Variants in EYS observed in about 807,000 individuals in gnomAD.
EYS encodes the protein protein eyes shut homolog.
EYS carries 250 observed loss-of-function variants against 282.1 expected under a neutral mutation model. The observed-to-expected ratio is 0.89, with a 90% CI of 0.80 to 0.98. The LOEUF (loss-of-function observed/expected upper bound fraction) is 0.98, where lower values mean the gene tolerates loss of function less well. EYS is among the 50% of genes least tolerant of loss of function. The probability of loss-of-function intolerance (pLI) is 0.00; values close to 1 mark genes in which losing one functional copy is unlikely to be tolerated. For missense variants in EYS, 4,016 were observed against 3,709.0 expected (o/e 1.08, Z -2.15); for synonymous variants, 1,355 against 1,282.9 (o/e 1.06, Z -1.20).
chr6:64,930,092 A>C lies in EYS; in HGVS notation c.2381+15701T>G, dbSNP rs562322563. Among the ~76,000 whole-genome samples, 80 of 152,286 alleles carry C rather than the reference A, an allele frequency of 5.3e-4. 2 individuals are homozygous for C. In the South Asian group the frequency reaches 0.017, roughly 32 times the overall value. Reference sequence around the variant, plus strand: ...CTGTCCAAAAGATAATTTGATAAAAACTACTCGAATATTTAATGTAGACAC... The same window carrying C: ...CTGTCCAAAAGATAATTTGATAAAACCTACTCGAATATTTAATGTAGACAC... On this transcript the variant is annotated intron_variant, in intron 15 of 42. Transcript: ENST00000503581.
chr6:63,932,306 A>C (rs1764919624), intron 35 of EYS, among the ~76,000 whole-genome samples: 1 of 152,236 alleles, frequency 6.6e-6, no homozygotes, highest in South Asian at 2.1e-4. Flanking sequence ...AGGTGCAGGT[A>C]TCTCTTTAAT....
At position 65,574,292 on chromosome 6, in the gene EYS, C is replaced by T. The variant is rs180818815; in HGVS notation, c.-333+65486G>A. Among the ~76,000 whole-genome samples, 20 of 152,132 alleles carry T rather than the reference C, an allele frequency of 1.3e-4. No homozygotes were observed. The East Asian group carries it at 3.5e-3, about 27-fold the overall frequency. On this transcript the variant is annotated intron_variant, in intron 2 of 42. Transcript: ENST00000503581. ...AAAGTCAAAGGTCTCCAATCAAATT[C>T]GGTCCAAACAAGACTACACAAAGAC...
chr6:63,966,810 T>C (rs1410238286), intron 35 of EYS, among the ~76,000 whole-genome samples: 3 of 152,198 alleles, frequency 2.0e-5, no homozygotes, highest in Non-Finnish European at 4.4e-5. Context: ...CAATCAATGA[T>C]GTTAGCTATT....
chr6:64,722,216 T>A (rs984871946), intron 22 of EYS, among the ~76,000 whole-genome samples: 1 of 152,138 alleles, frequency 6.6e-6, no homozygotes, highest in African/African-American at 2.4e-5. Flanking sequence ...CGGTTGTCAG[T>A]GTGACAGATG....
intron 12 of EYS, among the ~76,000 whole-genome samples, chr6:65,264,533 T>C (rs1168900326): frequency 6.6e-6 from 1 of 152,104 alleles, no homozygotes; most frequent in Non-Finnish European, 1.5e-5. Context: ...AAAATTGTAT[T>C]GCAAATTTGG....
chr6:65,543,812 G>A (rs1768273343), intron 2 of EYS, among the ~76,000 whole-genome samples: 1 of 152,162 alleles, frequency 6.6e-6, no homozygotes, highest in African/African-American at 2.4e-5. Flanking sequence ...ATGACTTTGA[G>A]TGGAACAATC....
At chr6:65,146,152 A>T (rs1392189368) in intron 12 of EYS, among the ~76,000 whole-genome samples, 1 of 149,636 alleles carries the variant, frequency 6.7e-6, no homozygotes, top group Non-Finnish European at 1.5e-5. Flanking sequence ...AGCATATAAC[A>T]TAAAGTAACA....
intron 37 of EYS, among the ~76,000 whole-genome samples, chr6:63,800,633 C>T (rs1770761670): frequency 6.6e-6 from 1 of 152,030 alleles, no homozygotes; most frequent in African/African-American, 2.4e-5. Context: ...GAAACCGCGT[C>T]TCTATTAAAA....
rs991865552 is a variant in EYS, at chr6:65,430,847, A to T, written c.863-25480T>A. On this transcript the variant is annotated intron_variant, in intron 5 of 42. Coordinates refer to ENST00000503581, the MANE Select transcript of EYS (RefSeq NM_001142800.2). ...GGCAGCATTCATTACCTGCTAACTGAAGAGCCCTTGCGTCCTGAAAAACCA... is the reference window on the plus strand; with the variant it reads ...GGCAGCATTCATTACCTGCTAACTGTAGAGCCCTTGCGTCCTGAAAAACCA... Among the ~76,000 whole-genome samples the T allele has an allele frequency of 4.6e-5, 7 of 152,258 alleles. No individual in the cohort carries two copies. In the South Asian group the frequency reaches 1.5e-3, roughly 32 times the overall value.
At chr6:64,158,761 CT>C (rs996222570) in intron 31 of EYS, among the ~76,000 whole-genome samples, 2 of 151,870 alleles carry the variant, frequency 1.3e-5, no homozygotes, top group Non-Finnish European at 2.9e-5. Context: ...AATAATTATA[CT>C]TTTTTTGAGG....
intron 22 of EYS, among the ~76,000 whole-genome samples, chr6:64,696,992 A>G (rs748279795): frequency 1.2e-4 from 19 of 152,198 alleles, no homozygotes; most frequent in Non-Finnish European, 2.5e-4. Flanking sequence ...AACAGAGGAA[A>G]AAGAGAAACA....
At chr6:64,379,396 C>T (rs1772669970) in intron 29 of EYS, among the ~76,000 whole-genome samples, 1 of 152,096 alleles carries the variant, frequency 6.6e-6, no homozygotes, top group African/African-American at 2.4e-5. Flanking sequence ...TCTTGTTTTA[C>T]TTTACCCATT....
intron 12 of EYS, among the ~76,000 whole-genome samples, chr6:65,129,665 G>C (rs1775813459): frequency 6.6e-6 from 1 of 151,830 alleles, no homozygotes; most frequent in Admixed American, 6.6e-5. Context: ...TAAAATAACA[G>C]GTTACCTCTG....
At chr6:64,315,215 A>T (rs1769902279) in intron 29 of EYS, among the ~76,000 whole-genome samples, 1 of 152,204 alleles carries the variant, frequency 6.6e-6, no homozygotes, top group South Asian at 2.1e-4. Context: ...CACTCCTAAG[A>T]ATAAACAAGG....
chr6:64,690,107 C>T (rs1770318419), intron 22 of EYS, among the ~76,000 whole-genome samples: 1 of 151,560 alleles, frequency 6.6e-6, no homozygotes, highest in African/African-American at 2.4e-5. Flanking sequence ...CCAGAATCTA[C>T]AAAGAACTCA....
chr6:64,377,333 A>G (rs1772593634), intron 29 of EYS, among the ~76,000 whole-genome samples: 1 of 152,184 alleles, frequency 6.6e-6, no homozygotes, highest in Admixed American at 6.5e-5. Flanking sequence ...TTTGTTTAAA[A>G]CAGACATTGC....
chr6:64,391,067 T>A (rs1289155908), intron 28 of EYS, among the ~76,000 whole-genome samples: 2 of 151,418 alleles, frequency 1.3e-5, no homozygotes, highest in East Asian at 3.9e-4. Context: ...AGAAGGGAAG[T>A]TTAGAGAAAA....
At position 65,344,071 on chromosome 6, in the gene EYS, A is replaced by G. The variant is rs2150319863; in HGVS notation, c.1566T>C (p.Ser522=). 1.2e-6 allele frequency: 2 copies of G among 1,611,006 alleles called. No individual in the cohort carries two copies. The highest frequency in any genetic ancestry group is 8.5e-7 in the Non-Finnish European group (1 of 1,178,106). ...TYVNDPEDNN[S]SCWFPHEGTK... ...TGCCTTCATGTGGGAACCAACATGAAGAATTATTATCTTCAGGATCGTTCA... is the reference window on the plus strand; with the variant it reads ...TGCCTTCATGTGGGAACCAACATGAGGAATTATTATCTTCAGGATCGTTCA... The change falls in exon 10 of 43, where the codon TCT becomes TCC. Residue 522 remains serine, a synonymous_variant. Coordinates refer to ENST00000503581, the MANE Select transcript of EYS (RefSeq NM_001142800.2).
In EYS at chr6:64,381,604, G is replaced by A. The variant is rs142315518; in HGVS notation, c.6078+7086C>T. Among the ~76,000 whole-genome samples the A allele has an allele frequency of 1.3e-4, 20 of 152,032 alleles. No homozygotes were observed. The East Asian group carries it at 2.9e-3, about 22-fold the overall frequency. ...CATACTACTGTAAGTGGACGTTATT[G>A]TTGTTTTTACTTTTTATATTATAAA... is the stretch of plus-strand genomic sequence containing the variant. On this transcript the variant is annotated intron_variant, in intron 29 of 42. Transcript: ENST00000503581.
Sources: gnomAD v4.1 joint callset for allele counts (sites outside exome capture counted in the v4.1 genomes callset) on GRCh38, gnomAD v4.1.1 for gene constraint, MANE v1.5 for transcripts, NCBI Gene and HGNC (gene_info 2026-07-23, HGNC 2026-07-21) for gene names.